The following PIEZO2 variants were observed in gnomAD, a reference collection of about 807,000 sequenced individuals.
The protein encoded by PIEZO2 is piezo-type mechanosensitive ion channel component 2.
In PIEZO2, 172 loss-of-function variants were observed where a neutral mutation model predicts 337.3. That is an observed-to-expected ratio of 0.51 (90% CI 0.45 to 0.58). The LOEUF is 0.58. Ranked by LOEUF, PIEZO2 falls within the 20% of genes least tolerant of loss-of-function variation. PIEZO2 has a pLI of 0.00. For missense variants in PIEZO2, 3,028 were observed against 3,391.3 expected, an observed-to-expected ratio of 0.89 and a Z score of 2.66; for synonymous variants, 1,251 against 1,228.5, an observed-to-expected ratio of 1.02 and a Z score of -0.38.
At chr18:11,045,024 G>A (rs940813593) in intron 2 of PIEZO2, among the ~76,000 whole-genome samples, 3 of 151,558 alleles carry the variant, frequency 2.0e-5, no homozygotes, top group South Asian at 2.1e-4. Context: ...GGCCAGGCAC[G>A]GTGGCTCATG....
chr18:10,961,670 G>A lies in PIEZO2; in HGVS notation c.286+17865C>T, dbSNP rs192733085. The stretch of plus-strand genomic sequence containing the variant: ...ATTCTCATTTGTAATGCCACAGCCA[G>A]GTATGCTTTTAAGTCAGCAGTAAAT... On this transcript the variant is annotated intron_variant, in intron 3 of 55. Coordinates refer to ENST00000674853, the MANE Select transcript of PIEZO2 (RefSeq NM_001378183.1). Among the ~76,000 whole-genome samples, 8 of 152,240 alleles carry A rather than the reference G, an allele frequency of 5.3e-5. No homozygotes were observed. The East Asian group carries it at 1.5e-3, about 29-fold the overall frequency.
intron 3 of PIEZO2, among the ~76,000 whole-genome samples, chr18:10,961,417 G>A (rs2033775499): frequency 6.6e-6 from 1 of 152,172 alleles, no homozygotes; most frequent in African/African-American, 2.4e-5. Flanking sequence ...GTGGGGAAGT[G>A]TGGGAGGAGG....
At position 11,048,338 on chromosome 18, in the gene PIEZO2, C is replaced by T. The variant is rs562467062; in HGVS notation, c.160+17789G>A. ...ACCTGTCTTACGGTTACTCATGGCTCTGGGGCCAAGCGGACTGCCTGGCCC... is the reference window on the plus strand; with the variant it reads ...ACCTGTCTTACGGTTACTCATGGCTTTGGGGCCAAGCGGACTGCCTGGCCC... On this transcript the variant is annotated intron_variant, in intron 2 of 55. Coordinates refer to ENST00000674853, the MANE Select transcript of PIEZO2 (RefSeq NM_001378183.1). The surrounding 1 kb of genome is among the most constrained non-coding windows in gnomAD (Gnocchi z 4.5). 6.6e-6 allele frequency among the ~76,000 whole-genome samples: 1 copy of T among 152,344 alleles called. No individual in the cohort carries two copies. The highest frequency in any genetic ancestry group is 2.4e-5 in the African/African-American group (1 of 41,570).
intron 2 of PIEZO2, among the ~76,000 whole-genome samples, chr18:11,040,277 C>A (rs1290849340): frequency 6.6e-6 from 1 of 152,120 alleles, no homozygotes; most frequent in South Asian, 2.1e-4. Context: ...TCCTTTAGCA[C>A]TGTTTCTAAA....
chr18:11,139,381 G>A (rs533101145), intron 1 of PIEZO2, among the ~76,000 whole-genome samples: 3 of 152,244 alleles, frequency 2.0e-5, no homozygotes, highest in South Asian at 4.1e-4. Context: ...AAGAATTTTT[G>A]TATTGTTTCT....
At chr18:10,755,699 G>T (rs1403373769) in intron 27 of PIEZO2, among the ~76,000 whole-genome samples, 1 of 152,188 alleles carries the variant, frequency 6.6e-6, no homozygotes, top group African/African-American at 2.4e-5. Flanking sequence ...GGACAGAAAA[G>T]CTGCTAGGGA....
At chr18:10,736,851 C>T in intron 33 of PIEZO2, 141 bp from the exon 34 acceptor site, 2 of 966,098 alleles carry the variant, frequency 2.1e-6, no homozygotes, top group Non-Finnish European at 3.0e-6. Context: ...GGAAAACACA[C>T]AAGATGAAGA....
chr18:10,684,557 T>C (rs999319953), intron 49 of PIEZO2, among the ~76,000 whole-genome samples: 3 of 151,640 alleles, frequency 2.0e-5, no homozygotes, highest in Admixed American at 1.3e-4. Context: ...TTCCACCACC[T>C]GGGCTCGAGA....
rs554886537 is a variant in PIEZO2 at position 11,104,243 on chromosome 18, A to T, written c.65-38021T>A. Reference sequence around the variant, plus strand: ...GGAGCCCAGAATTTGGAGGCTTTTCACATACTCTGAGAATGTAAAAGGTGG... The same window carrying T: ...GGAGCCCAGAATTTGGAGGCTTTTCTCATACTCTGAGAATGTAAAAGGTGG... On this transcript the variant is annotated intron_variant, in intron 1 of 55. Transcript: ENST00000674853. The surrounding 1 kb of genome is among the most constrained non-coding windows in gnomAD (Gnocchi z 4.6). 3.9e-5 allele frequency among the ~76,000 whole-genome samples: 6 copies of T among 152,298 alleles called. No individual in the cohort carries two copies. The highest frequency in any genetic ancestry group is 1.4e-4 in the African/African-American group (6 of 41,584).
intron 47 of PIEZO2, among the ~76,000 whole-genome samples, chr18:10,695,111 A>G (rs2035025277): frequency 6.6e-6 from 1 of 152,244 alleles, no homozygotes; most frequent in African/African-American, 2.4e-5. Context: ...CAAAGCAGAT[A>G]TTTCCCATTT....
chr18:11,076,546 CTTAG>C (rs1371141072), intron 1 of PIEZO2, among the ~76,000 whole-genome samples: 4 of 144,222 alleles, frequency 2.8e-5, no homozygotes, highest in Middle Eastern at 3.6e-3. Context: ...TTACTAAGAT[CTTAG>C]TTTGTTTTTT....
In PIEZO2 at chr18:10,715,075, C is replaced by T. The variant is rs531010789; in HGVS notation, c.5257-145G>A. 3.4e-5 allele frequency: 26 copies of T among 753,788 alleles called. No individual in the cohort carries two copies. In the Middle Eastern group the frequency reaches 1.4e-3, roughly 41 times the overall value. 46.7% of individuals were successfully genotyped at this position (753,788 alleles called of 1,614,324 possible). A position where few individuals can be genotyped will look rare whatever the true frequency, so the allele number is the denominator to read the frequency against. On this transcript the variant is annotated intron_variant, in intron 38 of 55. Coordinates refer to ENST00000674853, the MANE Select transcript of PIEZO2 (RefSeq NM_001378183.1). ...ATGCTAGGCAAGTGGGGATTGATGT[C>T]GACTCATTTCATAAGTGGTTTCCAA...
At chr18:10,879,505 G>C (rs11665020) in intron 4 of PIEZO2, among the ~76,000 whole-genome samples, 41,460 of 145,924 alleles carry the variant, frequency 0.28, 5,818 homozygotes, top group Non-Finnish European at 0.32. Context: ...ATGCCATTCT[G>C]CTGCCTCAGC....
chr18:10,851,229 T>C (rs1483267793), intron 7 of PIEZO2, among the ~76,000 whole-genome samples: 1 of 150,214 alleles, frequency 6.7e-6, no homozygotes. Context: ...AACAATACAC[T>C]GAAATTATGC....
intron 4 of PIEZO2, among the ~76,000 whole-genome samples, chr18:10,910,955 C>T (rs2030423384): frequency 6.6e-6 from 1 of 151,494 alleles, no homozygotes; most frequent in African/African-American, 2.4e-5. Flanking sequence ...GTTTTCACAT[C>T]AATTGCCCCA....
intron 39 of PIEZO2, among the ~76,000 whole-genome samples, chr18:10,712,943 C>T (rs1228646336): frequency 6.6e-6 from 1 of 152,020 alleles, no homozygotes; most frequent in Non-Finnish European, 1.5e-5. Flanking sequence ...ATATCTGTGT[C>T]TTTGGAACTC....
At chr18:10,816,983 C>G (rs993988819) in intron 7 of PIEZO2, among the ~76,000 whole-genome samples, 3 of 152,062 alleles carry the variant, frequency 2.0e-5, no homozygotes, top group Admixed American at 6.5e-5. Flanking sequence ...ATAAATGGTG[C>G]AGGTTTTCTA....
chr18:11,070,854 G>A lies in PIEZO2; in HGVS notation c.65-4632C>T, dbSNP rs539133480. ...AGTGCTGGGCATCAGGGACTAGGGC[G>A]CAGTCCAGGCTGAGGGGACACATCA... On this transcript the variant is annotated intron_variant, in intron 1 of 55. Transcript: ENST00000674853. The surrounding 1 kb of genome is among the most constrained non-coding windows in gnomAD (Gnocchi z 4.3). 2.0e-5 allele frequency among the ~76,000 whole-genome samples: 3 copies of A among 152,240 alleles called. No homozygotes were observed. The highest frequency in any genetic ancestry group is 6.5e-5 in the Admixed American group (1 of 15,282).
At chr18:10,789,550 C>T (rs1056346014) in intron 14 of PIEZO2, among the ~76,000 whole-genome samples, 185 bp from the exon 15 acceptor site, 16 of 152,308 alleles carry the variant, frequency 1.1e-4, no homozygotes, top group African/African-American at 3.1e-4. Context: ...ATTTTCATAA[C>T]CTTCTCAAAA....
Sources: allele counts gnomAD v4.1 joint callset (sites outside exome capture counted in the v4.1 genomes callset), GRCh38; gene constraint gnomAD v4.1.1; non-coding constraint Gnocchi (gnomAD v3.1); transcripts MANE v1.5; gene names NCBI Gene and HGNC (gene_info 2026-07-23, HGNC 2026-07-21).